Variants in STX6 observed in about 807,000 individuals in gnomAD.
STX6 encodes the protein syntaxin-6.
Under a neutral mutation model 38.0 loss-of-function variants are expected in STX6, and 23 were observed. The ratio of observed to expected loss-of-function variants is 0.60; its 90% CI spans 0.43 to 0.86. The LOEUF (loss-of-function observed/expected upper bound fraction) is 0.86, where lower values mean the gene tolerates loss of function less well. Among genes scored for constraint, STX6 ranks in the 40% least tolerant of loss-of-function variants. STX6 has a pLI of 0.00. For synonymous variants in STX6, 123 were observed against 107.5 expected, an observed-to-expected ratio of 1.14 and a Z score of -0.89; for missense variants, 274 against 312.9, an observed-to-expected ratio of 0.88 and a Z score of 0.94.
intron 1 of STX6, among the ~76,000 whole-genome samples, chr1:181,021,283 C>G (rs1437352664): frequency 6.6e-6 from 1 of 152,010 alleles, no homozygotes; most frequent in Non-Finnish European, 1.5e-5. Context: ...AAAAATTAAC[C>G]CCTAAATCAA....
intron 1 of STX6, among the ~76,000 whole-genome samples, chr1:181,014,775 A>G (rs1325226930): frequency 6.6e-6 from 1 of 152,240 alleles, no homozygotes; most frequent in Non-Finnish European, 1.5e-5. Flanking sequence ...TGTATTTGAA[A>G]GGAAACACAT....
chr1:180,977,723 C>T (rs1655296234), intron 7 of STX6, among the ~76,000 whole-genome samples: 1 of 152,082 alleles, frequency 6.6e-6, no homozygotes, highest in South Asian at 2.1e-4. Flanking sequence ...TTTGAAAGCC[C>T]ACTGATTTTA....
chr1:180,983,058 C>A (rs1230554388), intron 7 of STX6, among the ~76,000 whole-genome samples: 1 of 152,142 alleles, frequency 6.6e-6, no homozygotes, highest in Non-Finnish European at 1.5e-5. Context: ...TTACTAAGTA[C>A]CAATAAATAA....
At chr1:181,012,375 C>T (rs915421880) in intron 1 of STX6, among the ~76,000 whole-genome samples, 7 of 152,182 alleles carry the variant, frequency 4.6e-5, no homozygotes, top group East Asian at 1.9e-4. Context: ...GGTAGCATTT[C>T]GTAGATACCA....
intron 1 of STX6, among the ~76,000 whole-genome samples, chr1:181,016,081 A>G (rs1656547947): frequency 6.6e-6 from 1 of 152,210 alleles, no homozygotes; most frequent in Non-Finnish European, 1.5e-5. Flanking sequence ...TTTATGATAG[A>G]AATCAGATTA....
chr1:180,980,224 C>A (rs56153798), intron 7 of STX6, among the ~76,000 whole-genome samples: 72,927 of 132,904 alleles, frequency 0.55, 20,847 homozygotes, highest in East Asian at 0.62. Context: ...AAAAAAAAAA[C>A]ACCATGAAAG....
intron 7 of STX6, among the ~76,000 whole-genome samples, chr1:180,978,679 A>C (rs1287036259): frequency 6.6e-6 from 1 of 152,224 alleles, no homozygotes; most frequent in African/African-American, 2.4e-5. Context: ...ACCTGGGGGA[A>C]GGAAAATACC....
At chr1:181,001,586 G>A (rs1189791361) in intron 3 of STX6, among the ~76,000 whole-genome samples, 1 of 152,102 alleles carries the variant, frequency 6.6e-6, no homozygotes, top group Non-Finnish European at 1.5e-5. Context: ...TCAGTATCTT[G>A]GGTTGCAAGA....
At chr1:180,981,052 A>AT (rs977389641) in intron 7 of STX6, among the ~76,000 whole-genome samples, 2 of 152,128 alleles carry the variant, frequency 1.3e-5, no homozygotes, top group African/African-American at 4.8e-5. Context: ...GGAACACAGG[A>AT]TTTTTTAGGG....
chr1:180,993,567 C>A, intron 3 of STX6, 142 bp from the exon 4 acceptor site: 15 of 514,674 alleles, frequency 2.9e-5, no homozygotes, highest in East Asian at 3.2e-5. Context: ...TTTTCAGTCT[C>A]AAAAATAAAG....
At chr1:181,008,194 TTTC>T (rs1197975423) in intron 1 of STX6, among the ~76,000 whole-genome samples, 3 of 152,212 alleles carry the variant, frequency 2.0e-5, no homozygotes, top group South Asian at 4.1e-4. Flanking sequence ...CAGTAATAAT[TTTC>T]TTGTTTTTCT....
chr1:180,989,992 G>T lies in STX6; in HGVS notation c.481C>A (p.Gln161Lys). ...TGGGGTCCTTGGGGTACCTGCTGCT[G>T]TGCCTGCTGCTCCTCAATGAAATGA... Reference protein sequence around the residue: ...NSHFIEEQQAQQQLIVEQQDE... With the variant: ...NSHFIEEQQAKQQLIVEQQDE... Residue 161 changes from glutamine (Q) to lysine (K), a missense_variant, in exon 5 of 8, where the codon CAG (glutamine) becomes AAG (lysine). Coordinates refer to ENST00000258301, the MANE Select transcript of STX6 (RefSeq NM_005819.6). 1 of 1,613,680 alleles carries T rather than the reference G, an allele frequency of 6.2e-7. No individual in the cohort carries two copies. The highest frequency in any genetic ancestry group is 1.7e-4 in the Middle Eastern group (1 of 5,792).
intron 3 of STX6, 132 bp downstream of exon 3, chr1:181,002,474 G>T: frequency 1.7e-6 from 1 of 584,974 alleles, no homozygotes; most frequent in Non-Finnish European, 3.0e-6. Context: ...ATTATATATG[G>T]GGAAGCTCAC....
chr1:180,988,120 C>T (rs1425535650), intron 6 of STX6, 119 bp downstream of exon 6: 3 of 667,682 alleles, frequency 4.5e-6, no homozygotes, highest in Non-Finnish European at 7.9e-6. Flanking sequence ...AAAAATGCAG[C>T]TATGAATAAA....
chr1:181,006,656 G>A (rs1012395213), intron 1 of STX6, among the ~76,000 whole-genome samples: 1 of 151,956 alleles, frequency 6.6e-6, no homozygotes, highest in East Asian at 1.9e-4. Flanking sequence ...CCACAAAAAC[G>A]TGTTCTAGCT....
At chr1:181,020,227 T>A (rs983249992) in intron 1 of STX6, among the ~76,000 whole-genome samples, 6 of 151,560 alleles carry the variant, frequency 4.0e-5, no homozygotes, top group Non-Finnish European at 8.8e-5. Context: ...AAAAAAAAAA[T>A]GTATTTAATG....
Position 180,976,665 on chromosome 1 carries a change from G to A in STX6, c.692-19C>T. Reference sequence around the variant, plus strand: ...CGCCGATCTGGAAGGCAGGACATGGGGATTAGCTCTCACAGGGACTCCACA... The same window carrying A: ...CGCCGATCTGGAAGGCAGGACATGGAGATTAGCTCTCACAGGGACTCCACA... On this transcript the variant is annotated intron_variant, in intron 7 of 7. Coordinates refer to ENST00000258301, the MANE Select transcript of STX6 (RefSeq NM_005819.6). 2 of 1,610,900 alleles carry A rather than the reference G, an allele frequency of 1.2e-6. No individual in the cohort carries two copies. Among genetic ancestry groups the A allele is most frequent in the South Asian group, 2.2e-5 (2 of 91,042 alleles).
intron 3 of STX6, among the ~76,000 whole-genome samples, chr1:180,999,571 C>G (rs539248297): frequency 2.6e-5 from 4 of 151,812 alleles, no homozygotes; most frequent in Non-Finnish European, 5.9e-5. Context: ...ACACAAAACT[C>G]TAAACAAGGA....
intron 2 of STX6, among the ~76,000 whole-genome samples, chr1:181,004,981 C>G (rs1394679439): frequency 6.7e-6 from 1 of 148,984 alleles, no homozygotes; most frequent in Admixed American, 6.6e-5. Context: ...TTTTTTTTCC[C>G]TTTACATTGG....
Sources: gnomAD v4.1 joint callset for allele counts (sites outside exome capture counted in the v4.1 genomes callset) on GRCh38, gnomAD v4.1.1 for gene constraint, MANE v1.5 for transcripts, NCBI Gene and HGNC (gene_info 2026-07-23, HGNC 2026-07-21) for gene names.